CACNA1D: variants seen among roughly 807,000 people sequenced by gnomAD.
The protein encoded by CACNA1D is voltage-dependent L-type calcium channel subunit alpha-1D.
A neutral mutation model predicts 257.1 loss-of-function variants in CACNA1D; 55 were observed. That is an observed-to-expected ratio of 0.21 (90% CI 0.17 to 0.27). CACNA1D has a LOEUF of 0.27. Ranked by LOEUF, CACNA1D falls within the 10% of genes least tolerant of loss-of-function variation. CACNA1D has a pLI of 1.00. For missense variants in CACNA1D, 1,876 were observed against 2,784.0 expected (o/e 0.67, Z 7.34); for synonymous variants, 980 against 1,014.9 (o/e 0.97, Z 0.65).
intron 3 of CACNA1D, among the ~76,000 whole-genome samples, chr3:53,514,806 A>G (rs1014668874): frequency 1.3e-5 from 2 of 152,152 alleles, no homozygotes; most frequent in African/African-American, 4.8e-5. Flanking sequence ...GCCATACTAG[A>G]AGAGCTTCCT....
intron 8 of CACNA1D, among the ~76,000 whole-genome samples, chr3:53,688,619 C>G (rs2094493786): frequency 6.6e-6 from 1 of 152,134 alleles, no homozygotes. Flanking sequence ...ATCTCATTTG[C>G]AGTCTGGATG....
At chr3:53,667,477 A>G (rs775446251) in intron 7 of CACNA1D, among the ~76,000 whole-genome samples, 2 of 152,210 alleles carry the variant, frequency 1.3e-5, no homozygotes, top group African/African-American at 2.4e-5. Context: ...GTTAAAAGGA[A>G]ATTAGTAATA....
Position 53,727,016 on chromosome 3 carries a change from C to G in CACNA1D, c.2221+17C>G. ...GTGGTAACTGTATCCTTCAAGCCGA[C>G]CAGGCTTTGTTGTTGCCGTCGTTAT... On this transcript the variant is annotated intron_variant, in intron 15 of 47. Transcript: ENST00000350061. The G allele has an allele frequency of 6.2e-7, 1 of 1,613,956 alleles. No homozygotes were observed. Among genetic ancestry groups the G allele is most frequent in the African/African-American group, 1.3e-5 (1 of 75,046 alleles).
At chr3:53,616,523 C>G (rs1362261783) in intron 3 of CACNA1D, among the ~76,000 whole-genome samples, 1 of 152,212 alleles carries the variant, frequency 6.6e-6, no homozygotes, top group African/African-American at 2.4e-5. Flanking sequence ...CCAGACTTAA[C>G]GAGGAGACAA....
At chr3:53,512,918 T>C (rs2107261418) in intron 3 of CACNA1D, among the ~76,000 whole-genome samples, 1 of 152,370 alleles carries the variant, frequency 6.6e-6, no homozygotes, top group Non-Finnish European at 1.5e-5. Flanking sequence ...AAATACTTTA[T>C]TGCTTTCTTC....
intron 3 of CACNA1D, among the ~76,000 whole-genome samples, chr3:53,623,424 A>AG (rs1160351159): frequency 6.6e-6 from 1 of 152,210 alleles, no homozygotes; most frequent in African/African-American, 2.4e-5. Context: ...AGGGATGACA[A>AG]GGTGTGTGAT....
intron 3 of CACNA1D, among the ~76,000 whole-genome samples, chr3:53,602,562 A>G (rs547993613): frequency 6.6e-6 from 1 of 152,324 alleles, no homozygotes; most frequent in African/African-American, 2.4e-5. Context: ...ATTAATTTAT[A>G]TGCCCACTAA....
Position 53,774,823 on chromosome 3 carries a change from C to A in CACNA1D, c.4202+145C>A. On this transcript the variant is annotated intron_variant, in intron 34 of 47. Coordinates refer to ENST00000350061, the MANE Select transcript of CACNA1D (RefSeq NM_001128840.3). This position sits in a 1 kb window ranked among gnomAD's most constrained non-coding sequence, Gnocchi z 4.3. ...TTTTTGTTTTTGTTTGTTCTGTATTCTTAAACACAGACCCTAGCATTTCAA... is the reference window on the plus strand; with the variant it reads ...TTTTTGTTTTTGTTTGTTCTGTATTATTAAACACAGACCCTAGCATTTCAA... The A allele has an allele frequency of 1.6e-6, 1 of 628,446 alleles. No individual in the cohort carries two copies. Among genetic ancestry groups the A allele is most frequent in the Non-Finnish European group, 2.9e-6 (1 of 349,410 alleles). 38.9% of individuals were successfully genotyped at this position (628,446 alleles called of 1,614,324 possible). A position where few individuals can be genotyped will look rare whatever the true frequency, so the allele number is the denominator to read the frequency against.
chr3:53,534,717 C>T (rs2092060998), intron 3 of CACNA1D, among the ~76,000 whole-genome samples: 1 of 152,164 alleles, frequency 6.6e-6, no homozygotes, highest in African/African-American at 2.4e-5. Flanking sequence ...TCTTTTTACT[C>T]CAAGCATCTG....
intron 44 of CACNA1D, 78 bp from the exon 45 acceptor site, chr3:53,804,905 G>A: frequency 7.5e-7 from 1 of 1,325,012 alleles, no homozygotes; most frequent in South Asian, 1.2e-5. Context: ...GGGGAGAGGA[G>A]TATGGATGTC....
At chr3:53,716,232 A>T (rs1277783352) in intron 9 of CACNA1D, among the ~76,000 whole-genome samples, 1 of 152,236 alleles carries the variant, frequency 6.6e-6, no homozygotes, top group Non-Finnish European at 1.5e-5. Context: ...GAGACAGGAA[A>T]GTGAAGCCTG....
chr3:53,580,780 A>C (rs942231214), intron 3 of CACNA1D, among the ~76,000 whole-genome samples: 2 of 152,230 alleles, frequency 1.3e-5, no homozygotes, highest in African/African-American at 4.8e-5. Flanking sequence ...AAATTGCAGA[A>C]GTTCATTGCT....
Position 53,723,321 on chromosome 3 carries a change from A to G in CACNA1D, c.1667-113A>G. The G allele has an allele frequency of 2.5e-6, 2 of 798,706 alleles. No homozygotes were observed. Among genetic ancestry groups the G allele is most frequent in the East Asian group, 4.9e-5 (2 of 40,578 alleles). 49.5% of individuals were successfully genotyped at this position (798,706 alleles called of 1,614,324 possible). On this transcript the variant is annotated intron_variant, in intron 12 of 47. Coordinates refer to ENST00000350061, the MANE Select transcript of CACNA1D (RefSeq NM_001128840.3). This position sits in a 1 kb window ranked among gnomAD's most constrained non-coding sequence, Gnocchi z 5.6. ...TGAGTGAGGTAGTGAAGAGAGAGAC[A>G]AGGTATTGGCGTATTTCCTGTGGGG...
At chr3:53,554,333 G>A (rs1335853411) in intron 3 of CACNA1D, among the ~76,000 whole-genome samples, 4 of 152,106 alleles carry the variant, frequency 2.6e-5, no homozygotes, top group African/African-American at 4.8e-5. Flanking sequence ...GAAAAAAGAC[G>A]TTACAAAAAT....
intron 46 of CACNA1D, 154 bp downstream of exon 46, chr3:53,808,924 T>C: frequency 1.3e-6 from 1 of 781,262 alleles, no homozygotes; most frequent in Non-Finnish European, 2.0e-6. Flanking sequence ...TCCTGTCAAA[T>C]AGCTATGGCC....
intron 3 of CACNA1D, among the ~76,000 whole-genome samples, chr3:53,586,093 G>C (rs940005494): frequency 2.0e-5 from 3 of 152,182 alleles, no homozygotes; most frequent in Admixed American, 6.5e-5. Context: ...GGGCCAGAAA[G>C]CTCACTCCTC....
intron 3 of CACNA1D, among the ~76,000 whole-genome samples, chr3:53,508,921 G>C (rs2090983094): frequency 6.6e-6 from 1 of 152,186 alleles, no homozygotes; most frequent in Non-Finnish European, 1.5e-5. Context: ...CTGTTGAGTG[G>C]ACAGATGTGC....
intron 3 of CACNA1D, among the ~76,000 whole-genome samples, chr3:53,550,510 T>G (rs1466451842): frequency 3.3e-5 from 5 of 152,252 alleles, no homozygotes; most frequent in Non-Finnish European, 7.3e-5. Flanking sequence ...TGTGACCTGC[T>G]CACTGCCAGT....
chr3:53,762,376 G>A (rs553764438), intron 30 of CACNA1D, among the ~76,000 whole-genome samples: 3 of 152,246 alleles, frequency 2.0e-5, no homozygotes, highest in African/African-American at 4.8e-5. Context: ...TTCATTTGCT[G>A]TGTCAGAAGT....
Sources: allele counts gnomAD v4.1 joint callset (sites outside exome capture counted in the v4.1 genomes callset), GRCh38; gene constraint gnomAD v4.1.1; non-coding constraint Gnocchi (gnomAD v3.1); transcripts MANE v1.5; gene names NCBI Gene and HGNC (gene_info 2026-07-23, HGNC 2026-07-21).